Variants in ZEB1 observed in about 807,000 individuals in gnomAD.
The protein encoded by ZEB1 is zinc finger E-box-binding homeobox 1.
A neutral mutation model predicts 84.9 loss-of-function variants in ZEB1; 21 were observed. That is an observed-to-expected ratio of 0.25 (90% confidence interval 0.18 to 0.36). ZEB1 has a LOEUF of 0.36. Among genes scored for constraint, ZEB1 ranks in the 10% least tolerant of loss-of-function variants. ZEB1 has a pLI of 1.00. For missense variants in ZEB1, 1,104 were observed against 1,330.2 expected (o/e 0.83, Z 2.65); for synonymous variants, 420 against 471.1 (o/e 0.89, Z 1.41).
chr10:31,438,493 T>C (rs951904169), intron 1 of ZEB1, among the ~76,000 whole-genome samples: 3 of 152,332 alleles, frequency 2.0e-5, no homozygotes, highest in African/African-American at 7.2e-5. Context: ...TTAGTGTTTT[T>C]AATTATACCT....
chr10:31,409,284 T>C (rs2053760940), intron 1 of ZEB1, among the ~76,000 whole-genome samples: 2 of 152,102 alleles, frequency 1.3e-5, no homozygotes, highest in Non-Finnish European at 2.9e-5. Flanking sequence ...AGGAACACTT[T>C]TACACTGTTG....
intron 2 of ZEB1, among the ~76,000 whole-genome samples, chr10:31,473,548 G>T (rs947142603): frequency 1.3e-5 from 2 of 151,498 alleles, no homozygotes; most frequent in South Asian, 2.1e-4. Context: ...CACTGGTCAA[G>T]GAAATAAAAG....
At chr10:31,430,349 C>A (rs2057566644) in intron 1 of ZEB1, among the ~76,000 whole-genome samples, 1 of 152,052 alleles carries the variant, frequency 6.6e-6, no homozygotes, top group Non-Finnish European at 1.5e-5. Context: ...CTCATTCAGT[C>A]CTTAAAAAAT....
intron 1 of ZEB1, among the ~76,000 whole-genome samples, chr10:31,442,344 T>C (rs1255710606): frequency 6.6e-6 from 1 of 150,570 alleles, no homozygotes. Context: ...CACTCTTAGG[T>C]GGGAATTGAA....
intron 4 of ZEB1, among the ~76,000 whole-genome samples, chr10:31,503,630 T>TG (rs1469390018): frequency 1.2e-4 from 18 of 152,098 alleles, no homozygotes; most frequent in African/African-American, 4.3e-4. Flanking sequence ...TTTAGTTTTT[T>TG]TTGAGAAATC....
At chr10:31,455,574 C>T (rs1348212748) in intron 1 of ZEB1, among the ~76,000 whole-genome samples, 1 of 136,506 alleles carries the variant, frequency 7.3e-6, no homozygotes, top group African/African-American at 3.7e-5. Flanking sequence ...AAGAAAAAAA[C>T]AACCCCATCA....
intron 1 of ZEB1, among the ~76,000 whole-genome samples, chr10:31,450,027 C>G (rs1004415967): frequency 1.3e-5 from 2 of 152,114 alleles, no homozygotes; most frequent in African/African-American, 4.8e-5. Context: ...CAGTTAGGTT[C>G]CAGAGACCAT....
At chr10:31,342,543 G>A (rs1590114151) in intron 1 of ZEB1, among the ~76,000 whole-genome samples, 1 of 152,068 alleles carries the variant, frequency 6.6e-6, no homozygotes, top group East Asian at 1.9e-4. Flanking sequence ...TTGAATCTCT[G>A]TAGGCGTCGA....
At chr10:31,412,154 A>T (rs2054418491) in intron 1 of ZEB1, among the ~76,000 whole-genome samples, 1 of 152,212 alleles carries the variant, frequency 6.6e-6, no homozygotes, top group African/African-American at 2.4e-5. Context: ...TCTCTTTTTT[A>T]CACATATAAT....
At chr10:31,486,930 A>AT (rs951366230) in intron 2 of ZEB1, among the ~76,000 whole-genome samples, 5 of 151,346 alleles carry the variant, frequency 3.3e-5, no homozygotes, top group African/African-American at 1.2e-4. Context: ...TTTTGACCTA[A>AT]TTTTTTTATA....
intron 1 of ZEB1, among the ~76,000 whole-genome samples, chr10:31,412,840 G>A (rs899891142): frequency 1.3e-5 from 2 of 152,300 alleles, no homozygotes; most frequent in African/African-American, 2.4e-5. Flanking sequence ...TAAGCAGGGA[G>A]TATTGTTATT....
chr10:31,335,602 A>C (rs1453549439), intron 1 of ZEB1, among the ~76,000 whole-genome samples: 1 of 152,182 alleles, frequency 6.6e-6, no homozygotes, highest in Admixed American at 6.5e-5. Context: ...GTAAATGAGA[A>C]GGCCCCTTTC....
At position 31,367,082 on chromosome 10, in the gene ZEB1, C is replaced by T. The variant is rs77705314; in HGVS notation, c.58+47790C>T. Among the ~76,000 whole-genome samples, 846 of 152,192 alleles carry T rather than the reference C, an allele frequency of 5.6e-3. 13 individuals carry two copies. Among genetic ancestry groups the T allele is most frequent in the African/African-American group, 0.02 (811 of 41,514 alleles). ...CGGGACCTCTTACTTATTTCTGTAT[C>T]CTATCTACTCTTGAGTAGTAGGGTC... On this transcript the variant is annotated intron_variant, in intron 1 of 8. Coordinates refer to ENST00000424869, the MANE Select transcript of ZEB1 (RefSeq NM_001174096.2).
intron 1 of ZEB1, among the ~76,000 whole-genome samples, chr10:31,398,736 C>G (rs544578225): frequency 6.6e-6 from 1 of 152,126 alleles, no homozygotes; most frequent in Non-Finnish European, 1.5e-5. Context: ...GACCTGGCAA[C>G]GGTGTTTAAC....
At chr10:31,394,102 AACT>A (rs921351679) in intron 1 of ZEB1, among the ~76,000 whole-genome samples, 3 of 152,202 alleles carry the variant, frequency 2.0e-5, no homozygotes, top group Admixed American at 2.0e-4. Flanking sequence ...CAGAAAACAA[AACT>A]ACAATCTATT....
At chr10:31,446,974 A>C (rs1485782499) in intron 1 of ZEB1, among the ~76,000 whole-genome samples, 1 of 151,594 alleles carries the variant, frequency 6.6e-6, no homozygotes, top group East Asian at 1.9e-4. Context: ...ATCCTTGTTG[A>C]CTTTCTGTCT....
rs1458146000 is a variant in ZEB1 at position 31,470,099 on chromosome 10, C to G, written c.259+8862C>G. 2.6e-5 allele frequency among the ~76,000 whole-genome samples: 4 copies of G among 152,030 alleles called. No homozygotes were observed. The East Asian group carries it at 7.7e-4, about 29-fold the overall frequency. ...ATCAAAGACCAAAAGTAGATAAAAC[C>G]ACAAAGATGGGGAAAAAACAGAACA... On this transcript the variant is annotated intron_variant, in intron 2 of 8. Transcript: ENST00000424869.
intron 1 of ZEB1, among the ~76,000 whole-genome samples, chr10:31,346,139 T>G (rs912485860): frequency 6.6e-6 from 1 of 152,176 alleles, no homozygotes; most frequent in Admixed American, 6.5e-5. Context: ...GGGAAGCTTA[T>G]GACAACTATT....
At chr10:31,359,331 A>G (rs1378495435) in intron 1 of ZEB1, among the ~76,000 whole-genome samples, 1 of 152,140 alleles carries the variant, frequency 6.6e-6, no homozygotes, top group South Asian at 2.1e-4. Flanking sequence ...TCTTAAAGTA[A>G]AATGAGAACT....
Sources: gnomAD v4.1 joint callset for allele counts (sites outside exome capture counted in the v4.1 genomes callset) on GRCh38, gnomAD v4.1.1 for gene constraint, MANE v1.5 for transcripts, NCBI Gene and HGNC (gene_info 2026-07-23, HGNC 2026-07-21) for gene names.